PTN: variants seen among roughly 807,000 people sequenced by gnomAD.
PTN encodes pleiotrophin.
PTN carries 18 observed loss-of-function variants against 24.1 expected under a neutral mutation model. The observed-to-expected ratio is 0.75, with a 90% CI of 0.52 to 1.11. The LOEUF (loss-of-function observed/expected upper bound fraction) is 1.11. Among genes scored for constraint, PTN ranks in the 50% least tolerant of loss-of-function variants. PTN has a pLI of 0.00. For missense variants in PTN, 163 were observed against 198.8 expected (o/e 0.82, Z 1.08); for synonymous variants, 78 against 68.6 (o/e 1.14, Z -0.67).
intron 1 of PTN, among the ~76,000 whole-genome samples, chr7:137,335,335 C>T (rs1193129407): frequency 2.0e-5 from 3 of 152,054 alleles, no homozygotes; most frequent in Non-Finnish European, 2.9e-5. Context: ...CCAAGTGCAA[C>T]ATCTGGCCAG....
intron 3 of PTN, among the ~76,000 whole-genome samples, chr7:137,252,748 C>T (rs573312036): frequency 6.6e-6 from 1 of 151,890 alleles, no homozygotes; most frequent in African/African-American, 2.4e-5. Flanking sequence ...GACAAAAAGT[C>T]TGGATTGTGG....
intron 3 of PTN, 141 bp from the exon 4 acceptor site, chr7:137,251,532 G>A (rs1051237992): frequency 1.9e-5 from 17 of 887,842 alleles, no homozygotes; most frequent in Admixed American, 2.8e-5. Context: ...AATACAGAGT[G>A]TATGCGTGTG....
At chr7:137,238,117 T>C (rs1467838580) in intron 4 of PTN, among the ~76,000 whole-genome samples, 2 of 152,194 alleles carry the variant, frequency 1.3e-5, no homozygotes, top group Non-Finnish European at 2.9e-5. Context: ...CTCTGTGCAC[T>C]GAACAACAAC....
intron 1 of PTN, among the ~76,000 whole-genome samples, chr7:137,281,492 C>T (rs960946222): frequency 6.6e-6 from 1 of 152,206 alleles, no homozygotes; most frequent in Non-Finnish European, 1.5e-5. Flanking sequence ...GGGCCAGTAG[C>T]GTGGACCTCA....
intron 4 of PTN, among the ~76,000 whole-genome samples, chr7:137,246,372 G>A (rs1808723676): frequency 6.6e-6 from 1 of 152,130 alleles, no homozygotes; most frequent in South Asian, 2.1e-4. Context: ...ATCTACACTT[G>A]TATAAGTGCA....
chr7:137,249,811 C>A (rs763487064), intron 4 of PTN, among the ~76,000 whole-genome samples: 1 of 152,158 alleles, frequency 6.6e-6, no homozygotes, highest in Non-Finnish European at 1.5e-5. Flanking sequence ...GCAGAGATTT[C>A]CATGATCTGG....
At chr7:137,268,508 G>A (rs751117755) in intron 1 of PTN, among the ~76,000 whole-genome samples, 6 of 152,196 alleles carry the variant, frequency 3.9e-5, no homozygotes, top group African/African-American at 1.4e-4. Flanking sequence ...GGGGGTCCAC[G>A]TGAGAGGGTC....
chr7:137,283,952 A>ATTTTTTTTTTTTTTTTTTTTTTTTTTTTT (rs753374720), intron 1 of PTN, among the ~76,000 whole-genome samples: 4 of 48,922 alleles, frequency 8.2e-5, no homozygotes, highest in Admixed American at 3.6e-4. Context: ...TGAGCATCAG[A>ATTTTTTTTTTTTTTTTTTTTTTTTTTTTT]TTTTTTTTTT....
intron 4 of PTN, among the ~76,000 whole-genome samples, chr7:137,246,323 C>T (rs1197604467): frequency 2.6e-5 from 4 of 152,126 alleles, no homozygotes; most frequent in Admixed American, 6.6e-5. Flanking sequence ...TAGGAGCAAT[C>T]GGCTATACCT....
chr7:137,305,207 C>G (rs1809868626), intron 1 of PTN, among the ~76,000 whole-genome samples: 1 of 152,016 alleles, frequency 6.6e-6, no homozygotes, highest in Non-Finnish European at 1.5e-5. Flanking sequence ...CTAAGTAGAG[C>G]TCAATAATTC....
At chr7:137,300,777 C>T (rs541787355) in intron 1 of PTN, among the ~76,000 whole-genome samples, 1 of 151,906 alleles carries the variant, frequency 6.6e-6, no homozygotes, top group Non-Finnish European at 1.5e-5. Flanking sequence ...CTTTGATTTT[C>T]CCCTGACTCC....
At chr7:137,319,686 G>A (rs1429922245) in intron 1 of PTN, among the ~76,000 whole-genome samples, 1 of 152,210 alleles carries the variant, frequency 6.6e-6, no homozygotes, top group African/African-American at 2.4e-5. Flanking sequence ...AACCTGTACA[G>A]ATGAGAAGCC....
chr7:137,237,391 T>C (rs1432725775), intron 4 of PTN, among the ~76,000 whole-genome samples: 2 of 152,186 alleles, frequency 1.3e-5, no homozygotes, highest in Non-Finnish European at 2.9e-5. Context: ...ACTGAGTCTA[T>C]GGTACTTTGT....
chr7:137,329,170 T>C (rs1403449445), intron 1 of PTN, among the ~76,000 whole-genome samples: 2 of 152,204 alleles, frequency 1.3e-5, no homozygotes, highest in East Asian at 3.9e-4. Context: ...CAGCACTGAA[T>C]GTAAAGTTCT....
At chr7:137,298,160 A>G (rs1248279295) in intron 1 of PTN, among the ~76,000 whole-genome samples, 2 of 151,974 alleles carry the variant, frequency 1.3e-5, no homozygotes, top group African/African-American at 2.4e-5. Flanking sequence ...TAAAAACATT[A>G]TTGTTTCTAA....
rs542044344 is a variant in PTN, at chr7:137,264,464, C to T, written c.-1-9490G>A. On this transcript the variant is annotated intron_variant, in intron 1 of 4. Coordinates refer to ENST00000348225, the MANE Select transcript of PTN (RefSeq NM_002825.7). ...GGCCATGAGTGGACCAGTCAGCTTC[C>T]GGGTGTGACTGGAGCAGCGCTTGTC... Among the ~76,000 whole-genome samples the T allele has an allele frequency of 2.7e-3, 404 of 152,212 alleles. 4 individuals are homozygous for T. Among genetic ancestry groups the T allele is most frequent in the African/African-American group, 9.2e-3 (383 of 41,540 alleles).
At chr7:137,259,114 A>G (rs556935704) in intron 1 of PTN, among the ~76,000 whole-genome samples, 5 of 152,176 alleles carry the variant, frequency 3.3e-5, no homozygotes, top group Middle Eastern at 3.2e-3. Context: ...AGTTATCTCA[A>G]TGAAATCTGA....
chr7:137,258,994 C>T (rs1446271787), intron 1 of PTN, among the ~76,000 whole-genome samples: 1 of 152,058 alleles, frequency 6.6e-6, no homozygotes, highest in Non-Finnish European at 1.5e-5. Context: ...TTCTCACCCC[C>T]TTTTCCTACT....
At chr7:137,312,948 T>C (rs545188511) in intron 1 of PTN, among the ~76,000 whole-genome samples, 92 of 152,324 alleles carry the variant, frequency 6.0e-4, no homozygotes, top group Non-Finnish European at 1.1e-3. Flanking sequence ...AAAATAATTT[T>C]ATATGGTGAT....
Sources: allele counts gnomAD v4.1 joint callset (sites outside exome capture counted in the v4.1 genomes callset), GRCh38; gene constraint gnomAD v4.1.1; transcripts MANE v1.5; gene names NCBI Gene and HGNC (gene_info 2026-07-23, HGNC 2026-07-21).